Variants in SEPTIN7 observed in about 807,000 individuals in gnomAD.
SEPTIN7 encodes septin-7.
SEPTIN7 carries 10 observed loss-of-function variants against 63.3 expected under a neutral mutation model. The ratio of observed to expected loss-of-function variants is 0.16; its 90% CI spans 0.10 to 0.27. The LOEUF is 0.27. Among genes scored for constraint, SEPTIN7 ranks in the 10% least tolerant of loss-of-function variants. The pLI is 1.00. For synonymous variants in SEPTIN7, 131 were observed against 165.3 expected (o/e 0.79, Z 1.59); for missense variants, 310 against 521.0 (o/e 0.59, Z 3.94).
At chr7:35,804,720 C>T (rs1055375849) in intron 1 of SEPTIN7, among the ~76,000 whole-genome samples, 20 of 152,080 alleles carry the variant, frequency 1.3e-4, no homozygotes, top group African/African-American at 4.3e-4. Context: ...GATGGTAGAG[C>T]CTACTATACA....
intron 1 of SEPTIN7, chr7:35,811,923 G>A (rs1788739590): frequency 6.4e-6 from 1 of 157,400 alleles, no homozygotes; most frequent in Non-Finnish European, 1.4e-5. Context: ...TCGGGAGGCT[G>A]AGGCAGGAGA....
intron 6 of SEPTIN7, among the ~76,000 whole-genome samples, chr7:35,878,401 G>T (rs1786611288): frequency 6.6e-6 from 1 of 152,138 alleles, no homozygotes; most frequent in Non-Finnish European, 1.5e-5. Flanking sequence ...GAAGTAGGAG[G>T]CGAAAGAAAG....
chr7:35,843,922 G>A (rs1404316361), intron 3 of SEPTIN7, among the ~76,000 whole-genome samples: 1 of 152,176 alleles, frequency 6.6e-6, no homozygotes, highest in Non-Finnish European at 1.5e-5. Flanking sequence ...AGATTTGATT[G>A]TGAAGAGTTC....
intron 7 of SEPTIN7, among the ~76,000 whole-genome samples, chr7:35,880,805 CTG>C (rs1786830275): frequency 6.6e-6 from 1 of 152,070 alleles, no homozygotes; most frequent in Non-Finnish European, 1.5e-5. Context: ...GGCCACTAAA[CTG>C]TTTTTCTAGA....
intron 3 of SEPTIN7, among the ~76,000 whole-genome samples, chr7:35,851,697 C>T (rs1784968622): frequency 6.6e-6 from 1 of 152,144 alleles, no homozygotes; most frequent in South Asian, 2.1e-4. Flanking sequence ...AATGATACTA[C>T]TTCCTTCCCT....
Position 35,859,479 on chromosome 7 carries a change from GTGTTT to G in SEPTIN7, c.170-4069_170-4065del, listed in dbSNP as rs1311901851. Among the ~76,000 whole-genome samples, 3 of 152,240 alleles carry G rather than the reference GTGTTT, an allele frequency of 2.0e-5. No individual in the cohort carries two copies. The East Asian group carries it at 5.8e-4, about 29-fold the overall frequency. On this transcript the variant is annotated intron_variant, in intron 3 of 13. Transcript: ENST00000350320. Reference sequence around the variant, plus strand: ...GTGTAGACTGCTGTTGTTGGATGCAGTGTTTTGTCTATGTCTGTTAGCTTCAGTTG... The same window carrying G: ...GTGTAGACTGCTGTTGTTGGATGCAGTGTCTATGTCTGTTAGCTTCAGTTG...
chr7:35,862,873 A>G (rs1407365134), intron 3 of SEPTIN7, among the ~76,000 whole-genome samples: 2 of 152,066 alleles, frequency 1.3e-5, no homozygotes, highest in Non-Finnish European at 2.9e-5. Context: ...ATACTAGACT[A>G]TGTATGTTAG....
chr7:35,911,902 C>T (rs935098904), downstream of SEPTIN7, among the ~76,000 whole-genome samples: 4 of 152,120 alleles, frequency 2.6e-5, no homozygotes, highest in African/African-American at 7.2e-5. Flanking sequence ...ATCTGGAGTG[C>T]TTAAAGGAGC....
intron 3 of SEPTIN7, among the ~76,000 whole-genome samples, chr7:35,839,179 A>AT (rs1784280251): frequency 6.6e-6 from 1 of 152,166 alleles, no homozygotes; most frequent in Admixed American, 6.5e-5. Context: ...TGAAAAGGAT[A>AT]TTTTTTCATG....
At chr7:35,836,270 A>C (rs1258139060) in intron 3 of SEPTIN7, among the ~76,000 whole-genome samples, 1 of 152,184 alleles carries the variant, frequency 6.6e-6, no homozygotes, top group Non-Finnish European at 1.5e-5. Flanking sequence ...ATAGAGAATA[A>C]ATTTTTAATT....
At chr7:35,815,204 C>A in intron 1 of SEPTIN7, 1 of 426,302 alleles carries the variant, frequency 2.3e-6, no homozygotes, top group South Asian at 1.7e-5. Context: ...TTGGAATCAA[C>A]CATTGTCCAA....
At chr7:35,882,432 A>C (rs1786942831) in intron 7 of SEPTIN7, 52 bp from the exon 8 acceptor site, 1 of 1,301,790 alleles carries the variant, frequency 7.7e-7, no homozygotes, top group Non-Finnish European at 1.0e-6. Context: ...ACATAAGACT[A>C]ATATACTAAT....
intron 1 of SEPTIN7, among the ~76,000 whole-genome samples, chr7:35,817,264 T>G (rs1175436307): frequency 6.6e-6 from 1 of 152,108 alleles, no homozygotes; most frequent in African/African-American, 2.4e-5. Context: ...CTTTTGTATG[T>G]GGCTATCCAG....
chr7:35,845,463 G>A lies in SEPTIN7; in HGVS notation c.169+12563G>A, dbSNP rs149409118. 3.1e-4 allele frequency among the ~76,000 whole-genome samples: 47 copies of A among 152,118 alleles called. No individual in the cohort carries two copies. The East Asian group carries it at 7.9e-3, about 26-fold the overall frequency. On this transcript the variant is annotated intron_variant, in intron 3 of 13. Coordinates refer to ENST00000350320, the MANE Select transcript of SEPTIN7 (RefSeq NM_001788.6). ...TGAACTCTTTTGATTATAAACATTC[G>A]GGGCAAATGTGTGCTCTTTGTAATT...
At position 35,832,783 on chromosome 7, in the gene SEPTIN7, T is replaced by C. The variant is rs1442626680; in HGVS notation, c.67-15T>C. ...GTTGATACATGAATAACTTGGCCCT[T>C]TTTGCTTTTGTCAGCAACAGAAGAA... On this transcript the variant is annotated splice_polypyrimidine_tract_variant and intron_variant, in intron 2 of 13. Coordinates refer to ENST00000350320, the MANE Select transcript of SEPTIN7 (RefSeq NM_001788.6). 1 of 1,496,646 alleles carries C rather than the reference T, an allele frequency of 6.7e-7. No homozygotes were observed. The highest frequency in any genetic ancestry group is 1.7e-5 in the Admixed American group (1 of 59,798). The allele number at this position is 1,496,646 out of a possible 1,614,324, so 92.7% of individuals were successfully genotyped here.
intron 3 of SEPTIN7, chr7:35,846,851 A>G: frequency 6.6e-6 from 1 of 152,358 alleles, no homozygotes; most frequent in East Asian, 1.9e-4. Flanking sequence ...TGAGGCCCAG[A>G]GTTCCTGGCT....
intron 11 of SEPTIN7, among the ~76,000 whole-genome samples, chr7:35,897,768 C>T (rs767110423): frequency 5.3e-5 from 8 of 152,076 alleles, no homozygotes; most frequent in Non-Finnish European, 1.0e-4. Flanking sequence ...TTGTTTCCAA[C>T]GTATCAGTTC....
In SEPTIN7 at chr7:35,891,789, CTT is replaced by C. The variant is rs1787662731; in HGVS notation, c.998+997_998+998del. ...TTGCTGTAACTTTATTTTATAATAA[CTT>C]AAATTTTAAAAAACTTTTTGGTTCT... is the stretch of plus-strand genomic sequence containing the variant. On this transcript the variant is annotated intron_variant, in intron 11 of 13. Coordinates refer to ENST00000350320, the MANE Select transcript of SEPTIN7 (RefSeq NM_001788.6). Among the ~76,000 whole-genome samples the C allele has an allele frequency of 2.0e-5, 3 of 152,240 alleles. No homozygotes were observed. In the South Asian group the frequency reaches 6.2e-4, roughly 32 times the overall value.
chr7:35,801,610 C>T (rs1787981591), intron 1 of SEPTIN7, among the ~76,000 whole-genome samples: 1 of 152,178 alleles, frequency 6.6e-6, no homozygotes, highest in Non-Finnish European at 1.5e-5. Flanking sequence ...CTCTCCGTCC[C>T]TTCGCCTTTC....
Sources: allele counts gnomAD v4.1 joint callset (sites outside exome capture counted in the v4.1 genomes callset), GRCh38; gene constraint gnomAD v4.1.1; transcripts MANE v1.5; gene names NCBI Gene and HGNC (gene_info 2026-07-23, HGNC 2026-07-21).